Variants in RHOBTB3 observed in about 807,000 individuals in gnomAD.
RHOBTB3 encodes rho-related BTB domain-containing protein 3.
In RHOBTB3, 47 loss-of-function variants were observed where a neutral mutation model predicts 67.2. The observed-to-expected ratio is 0.70, with a 90% CI of 0.55 to 0.89. The LOEUF is 0.89. RHOBTB3 is among the 40% of genes least tolerant of loss of function. RHOBTB3 has a pLI of 0.00. For missense variants in RHOBTB3, 631 were observed against 750.0 expected (o/e 0.84, Z 1.85); for synonymous variants, 273 against 274.2 (o/e 1.00, Z 0.04).
intron 3 of RHOBTB3, among the ~76,000 whole-genome samples, chr5:95,744,859 T>C (rs1357515514): frequency 6.6e-6 from 1 of 151,806 alleles, no homozygotes; most frequent in Non-Finnish European, 1.5e-5. Context: ...TCACTTGCGA[T>C]CAGGAGTTCA....
At chr5:95,739,328 G>C (rs1755538829) in intron 3 of RHOBTB3, among the ~76,000 whole-genome samples, 3 of 151,570 alleles carry the variant, frequency 2.0e-5, no homozygotes, top group Admixed American at 2.0e-4. Flanking sequence ...TCGCATTCTA[G>C]TCATTTAGTT....
chr5:95,731,791 C>G, intron 1 of RHOBTB3, 68 bp from the exon 2 acceptor site: 1 of 1,603,832 alleles, frequency 6.2e-7, no homozygotes, highest in South Asian at 1.1e-5. Flanking sequence ...CCCGCACTTC[C>G]TGTTCCGAGG....
chr5:95,769,913 TG>T, intron 8 of RHOBTB3: 1 of 360,598 alleles, frequency 2.8e-6, no homozygotes, highest in Non-Finnish European at 5.4e-6. Flanking sequence ...GGCTAAAAGC[TG>T]GTCCTCAGGT....
rs370197380 is a variant in RHOBTB3, at chr5:95,790,272, T to C, written c.1720+1414T>C. Among the ~76,000 whole-genome samples, 10 of 152,368 alleles carry C rather than the reference T, an allele frequency of 6.6e-5. No homozygotes were observed. The South Asian group carries it at 2.1e-3, about 32-fold the overall frequency. On this transcript the variant is annotated intron_variant, in intron 11 of 11. Transcript: ENST00000379982. ...TGTATGCTTGCTGTCAGAAGGAACATTCTTCTATAGTTATTTAAGTAGCTG... is the reference window on the plus strand; with the variant it reads ...TGTATGCTTGCTGTCAGAAGGAACACTCTTCTATAGTTATTTAAGTAGCTG...
chr5:95,717,898 A>G (rs553397111), intron 1 of RHOBTB3: 66 of 152,344 alleles, frequency 4.3e-4, no homozygotes, highest in African/African-American at 1.5e-3. Context: ...TTTGGTTTAT[A>G]GTTATTCATT....
chr5:95,763,780 C>T (rs1285234343), intron 7 of RHOBTB3, among the ~76,000 whole-genome samples, 160 bp downstream of exon 7: 3 of 150,248 alleles, frequency 2.0e-5, no homozygotes, highest in Non-Finnish European at 4.4e-5. Context: ...AAAACATAAA[C>T]ATGGGTTATT....
chr5:95,791,713 C>CTT (rs1222874409), intron 11 of RHOBTB3, among the ~76,000 whole-genome samples: 1 of 144,928 alleles, frequency 6.9e-6, no homozygotes. Flanking sequence ...CTTTTCTTTT[C>CTT]TTTTTTTTTT....
At chr5:95,751,110 TG>T (rs1745077229) in intron 4 of RHOBTB3, among the ~76,000 whole-genome samples, 1 of 152,224 alleles carries the variant, frequency 6.6e-6, no homozygotes, top group South Asian at 2.1e-4. Context: ...GGCACAGGCC[TG>T]AAGCTACGTA....
At chr5:95,783,585 A>AT in intron 9 of RHOBTB3, 3 of 238,300 alleles carry the variant, frequency 1.3e-5, no homozygotes, top group Non-Finnish European at 2.4e-5. Context: ...AAAAAAAAAA[A>AT]GAAGAAGAAG....
upstream of RHOBTB3, among the ~76,000 whole-genome samples, chr5:95,730,233 C>G (rs1435904517): frequency 6.6e-6 from 1 of 152,178 alleles, no homozygotes; most frequent in Non-Finnish European, 1.5e-5. Context: ...TCAATACCCC[C>G]TCTTTCATAC....
chr5:95,763,622 T>C lies in RHOBTB3; in HGVS notation c.1161+2T>C. On this transcript the variant is annotated splice_donor_variant, in intron 7 of 11. Transcript: ENST00000379982. LOFTEE classifies it high-confidence loss of function. ...TGCATTTTAAAAACACCAGGAAAGG[T>C]AAGTTGATTTGTTGTAAGTTAGTTT... 1 of 1,533,724 alleles carries C rather than the reference T, an allele frequency of 6.5e-7. No individual in the cohort carries two copies. The highest frequency in any genetic ancestry group is 9.0e-7 in the Non-Finnish European group (1 of 1,107,574).
chr5:95,723,793 C>T (rs1754967902), intron 1 of RHOBTB3, among the ~76,000 whole-genome samples: 1 of 152,174 alleles, frequency 6.6e-6, no homozygotes, highest in Admixed American at 6.5e-5. Context: ...CTGGCAGTCC[C>T]AGCTTCACTG....
intron 3 of RHOBTB3, among the ~76,000 whole-genome samples, chr5:95,748,096 T>C (rs1376772083): frequency 2.6e-5 from 4 of 151,994 alleles, no homozygotes; most frequent in Non-Finnish European, 5.9e-5. Context: ...TCCATTCACC[T>C]ACTTTTAAAT....
At chr5:95,770,946 C>A (rs993817137) in intron 8 of RHOBTB3, among the ~76,000 whole-genome samples, 10 of 150,658 alleles carry the variant, frequency 6.6e-5, no homozygotes, top group African/African-American at 1.2e-4. Context: ...AAAAAAAAAA[C>A]ATTTTTACAT....
chr5:95,794,541 C>A lies in RHOBTB3; in HGVS notation c.*1367C>A, dbSNP rs910674919. The A allele has an allele frequency of 1.3e-5, 2 of 153,322 alleles. No individual in the cohort carries two copies. The highest frequency in any genetic ancestry group is 4.8e-5 in the African/African-American group (2 of 41,424). 9.5% of individuals were successfully genotyped at this position (153,322 alleles called of 1,614,324 possible). A position where few individuals can be genotyped will look rare whatever the true frequency, so the allele number is the denominator to read the frequency against. ...AAAATGGACTGGGATAGAGGACAGA[C>A]TGATAGTTTCTTTCTTTCATATCAC... On this transcript the variant is annotated 3_prime_UTR_variant, in exon 12 of 12. Coordinates refer to ENST00000379982, the MANE Select transcript of RHOBTB3 (RefSeq NM_014899.4).
rs1002651513 is a variant in RHOBTB3, at chr5:95,787,918, G to T, written c.1624-844G>T. Among the ~76,000 whole-genome samples the T allele has an allele frequency of 2.6e-5, 4 of 152,210 alleles. No homozygotes were observed. In the East Asian group the frequency reaches 7.7e-4, roughly 29 times the overall value. ...GGGTGATAGAAAAGGCCTGGAAATG[G>T]ATAGTGGTGTTGGGTTGCCCCACCA... On this transcript the variant is annotated intron_variant, in intron 10 of 11. Transcript: ENST00000379982.
At chr5:95,735,411 G>C (rs903299240) in intron 2 of RHOBTB3, among the ~76,000 whole-genome samples, 2 of 152,116 alleles carry the variant, frequency 1.3e-5, no homozygotes, top group Admixed American at 6.6e-5. Context: ...TGGGGAACTG[G>C]GGGAGGCACT....
At chr5:95,726,414 CTT>C (rs1176561167), upstream of RHOBTB3, among the ~76,000 whole-genome samples, 4 of 152,246 alleles carry the variant, frequency 2.6e-5, no homozygotes, top group Non-Finnish European at 4.4e-5. Flanking sequence ...ATGCTAGAAA[CTT>C]TATTGAATTC....
At chr5:95,769,099 T>C in intron 8 of RHOBTB3, 1 of 367,238 alleles carries the variant, frequency 2.7e-6, no homozygotes. Context: ...TGCAGGTGCC[T>C]GAGCCTTAAT....
Sources: gnomAD v4.1 joint callset for allele counts (sites outside exome capture counted in the v4.1 genomes callset) on GRCh38, gnomAD v4.1.1 for gene constraint, MANE v1.5 for transcripts, NCBI Gene and HGNC (gene_info 2026-07-23, HGNC 2026-07-21) for gene names.